The following MGAT4D variants were observed in gnomAD, a reference collection of about 807,000 sequenced individuals.
MGAT4D encodes the protein MGAT4 family member D, also known as alpha-1,3-mannosyl-glycoprotein 4-beta-N-acetylglucosaminyltransferase-like protein MGAT4D.
In MGAT4D, 34 loss-of-function variants were observed where a neutral mutation model predicts 15.9. The observed-to-expected ratio is 2.14, with a 90% confidence interval of 1.62 to 2.84. The LOEUF (loss-of-function observed/expected upper bound fraction) is 2.84. Among genes scored for constraint, MGAT4D ranks in the 30% most tolerant of loss-of-function variants. MGAT4D has a pLI of 0.00. For synonymous variants in MGAT4D, 112 were observed against 48.2 expected (o/e 2.33, Z -5.49); for missense variants, 327 against 140.2 (o/e 2.33, Z -6.73).
intron 9 of MGAT4D, among the ~76,000 whole-genome samples, chr4:140,453,993 T>C (rs745736944): frequency 4.6e-5 from 7 of 151,266 alleles, no homozygotes; most frequent in Non-Finnish European, 8.8e-5. Flanking sequence ...CTCAAACCCA[T>C]TTATCAGTTC....
chr4:140,478,709 T>C (rs1732502101), intron 3 of MGAT4D, among the ~76,000 whole-genome samples: 1 of 149,926 alleles, frequency 6.7e-6, no homozygotes, highest in Non-Finnish European at 1.5e-5. Flanking sequence ...AGGCATATGA[T>C]ACAAAACAAC....
chr4:140,443,347 A>G lies in MGAT4D; in HGVS notation c.*89T>C. On this transcript the variant is annotated 3_prime_UTR_variant, in exon 11 of 11. Transcript: ENST00000511113. ...TTACTTATCTGCTAGATAATTATGT[A>G]TTTTCATTACTACAATTTCTGAAAC... 2.3e-6 allele frequency: 1 copy of G among 439,256 alleles called. No homozygotes were observed. Among genetic ancestry groups the G allele is most frequent in the Non-Finnish European group, 4.0e-6 (1 of 247,160 alleles). 27.2% of individuals were successfully genotyped at this position (439,256 alleles called of 1,614,324 possible). A position where few individuals can be genotyped will look rare whatever the true frequency, so the allele number is the denominator to read the frequency against.
At chr4:140,482,770 C>T (rs1462480050) in intron 1 of MGAT4D, among the ~76,000 whole-genome samples, 2 of 151,966 alleles carry the variant, frequency 1.3e-5, no homozygotes, top group Non-Finnish European at 2.9e-5. Flanking sequence ...TTACTCTGTG[C>T]TCTTCTTTGT....
intron 10 of MGAT4D, among the ~76,000 whole-genome samples, chr4:140,445,205 G>T (rs1730040847): frequency 6.6e-6 from 1 of 152,052 alleles, no homozygotes; most frequent in African/African-American, 2.4e-5. Flanking sequence ...ACTTTTTAAT[G>T]ATAGCCATTC....
chr4:140,444,087 A>G (rs1729934786), intron 10 of MGAT4D, among the ~76,000 whole-genome samples: 1 of 152,206 alleles, frequency 6.6e-6, no homozygotes, highest in Non-Finnish European at 1.5e-5. Context: ...TTTTCACATA[A>G]AAGAGAATCA....
At chr4:140,444,598 C>T (rs1048001658) in intron 10 of MGAT4D, among the ~76,000 whole-genome samples, 11 of 152,144 alleles carry the variant, frequency 7.2e-5, no homozygotes, top group African/African-American at 2.7e-4. Flanking sequence ...ATGTGTACCA[C>T]ATTTTCCTTA....
intron 1 of MGAT4D, among the ~76,000 whole-genome samples, chr4:140,496,029 C>T (rs1032512718): frequency 1.3e-4 from 20 of 152,090 alleles, no homozygotes; most frequent in African/African-American, 3.9e-4. Flanking sequence ...CACCCCACTG[C>T]GCCTGGCAAA....
chr4:140,481,077 G>T (rs1732688645), intron 2 of MGAT4D, among the ~76,000 whole-genome samples: 1 of 152,040 alleles, frequency 6.6e-6, no homozygotes, highest in South Asian at 2.1e-4. Context: ...GAAGGCTGAG[G>T]TGGGAGGCTT....
intron 5 of MGAT4D, among the ~76,000 whole-genome samples, chr4:140,470,073 A>G (rs1000648723): frequency 2.6e-5 from 4 of 152,216 alleles, no homozygotes; most frequent in African/African-American, 9.6e-5. Flanking sequence ...GCTGCTGAGG[A>G]GGCCTATCTC....
intron 4 of MGAT4D, among the ~76,000 whole-genome samples, chr4:140,472,276 T>C (rs1424892368): frequency 1.3e-5 from 2 of 152,186 alleles, no homozygotes; most frequent in African/African-American, 4.8e-5. Flanking sequence ...ATTACTCAGC[T>C]TGATTCCAAT....
intron 4 of MGAT4D, among the ~76,000 whole-genome samples, chr4:140,474,495 T>G (rs1732183681): frequency 6.6e-6 from 1 of 152,230 alleles, no homozygotes; most frequent in Non-Finnish European, 1.5e-5. Flanking sequence ...TTAATTTTGT[T>G]TGTAAATATA....
intron 10 of MGAT4D, among the ~76,000 whole-genome samples, chr4:140,449,129 C>G (rs534414567): frequency 1.3e-5 from 2 of 152,064 alleles, no homozygotes; most frequent in Non-Finnish European, 1.5e-5. Flanking sequence ...GAAATACACA[C>G]GATTAGCTTA....
In MGAT4D at chr4:140,452,647, A is replaced by C. The variant is rs565554532; in HGVS notation, c.1009-1130T>G. Among the ~76,000 whole-genome samples the C allele has an allele frequency of 2.6e-5, 4 of 152,300 alleles. No individual in the cohort carries two copies. In the South Asian group the frequency reaches 8.3e-4, roughly 32 times the overall value. On this transcript the variant is annotated intron_variant, in intron 9 of 10. Transcript: ENST00000511113. ...CTTACCTGTTTTGAGAGTTCTATAC[A>C]TATACTGAATACATGTCCTTTGTTG...
intron 7 of MGAT4D, among the ~76,000 whole-genome samples, chr4:140,459,971 G>A (rs537656509): frequency 3.3e-5 from 5 of 152,040 alleles, no homozygotes; most frequent in South Asian, 2.1e-4. Flanking sequence ...GGGCTCAAGC[G>A]ATCCTCCTGC....
intron 1 of MGAT4D, among the ~76,000 whole-genome samples, chr4:140,483,755 TA>T (rs1732902396): frequency 6.6e-6 from 1 of 152,014 alleles, no homozygotes; most frequent in South Asian, 2.1e-4. Flanking sequence ...GAACACACAA[TA>T]GGGAAAGAAC....
At chr4:140,490,084 C>T (rs1733404875) in intron 1 of MGAT4D, among the ~76,000 whole-genome samples, 1 of 152,162 alleles carries the variant, frequency 6.6e-6, no homozygotes, top group Non-Finnish European at 1.5e-5. Flanking sequence ...ACTAAATGTC[C>T]AATTTCCTGA....
At chr4:140,461,877 GTA>G (rs1195944013) in intron 7 of MGAT4D, 50 bp downstream of exon 7, 50 of 434,514 alleles carry the variant, frequency 1.2e-4, no homozygotes, top group African/African-American at 1.1e-3. Context: ...TATAATTGGT[GTA>G]TACACACACA....
chr4:140,490,813 TTC>T lies in MGAT4D; in HGVS notation c.94+7314_94+7315del, dbSNP rs149762152. Reference sequence around the variant, plus strand: ...TTTTCCATCCCTTTTCTTCCAAAATTTCTGTCTTTAAAATTCAAATATGTCTC... The same window carrying T: ...TTTTCCATCCCTTTTCTTCCAAAATTTGTCTTTAAAATTCAAATATGTCTC... On this transcript the variant is annotated intron_variant, in intron 1 of 10. Transcript: ENST00000511113. Among the ~76,000 whole-genome samples the T allele has an allele frequency of 7.3e-3, 1,119 of 152,332 alleles. 9 individuals are homozygous for T. The highest frequency in any genetic ancestry group is 0.025 in the African/African-American group (1,060 of 41,570).
At chr4:140,467,823 T>C (rs1418870719) in intron 5 of MGAT4D, among the ~76,000 whole-genome samples, 1 of 152,048 alleles carries the variant, frequency 6.6e-6, no homozygotes, top group East Asian at 1.9e-4. Flanking sequence ...GTAAAGTGTA[T>C]AGTTATATAC....
Sources: allele counts gnomAD v4.1 joint callset (sites outside exome capture counted in the v4.1 genomes callset), GRCh38; gene constraint gnomAD v4.1.1; transcripts MANE v1.5; gene names NCBI Gene and HGNC (gene_info 2026-07-23, HGNC 2026-07-21).